SLC25A26: variants seen among roughly 807,000 people sequenced by gnomAD.
SLC25A26 encodes the protein mitochondrial S-adenosylmethionine carrier protein.
A neutral mutation model predicts 37.8 loss-of-function variants in SLC25A26; 36 were observed. The observed-to-expected ratio is 0.95, with a 90% CI of 0.73 to 1.26. The LOEUF is 1.26. Ranked by LOEUF, SLC25A26 falls within the 50% of genes most tolerant of loss-of-function variation. SLC25A26 has a pLI of 0.00. For synonymous variants in SLC25A26, 129 were observed against 122.5 expected (o/e 1.05, Z -0.35); for missense variants, 390 against 331.1 (o/e 1.18, Z -1.38).
chr3:66,302,192 C>T (rs771133363), intron 5 of SLC25A26, among the ~76,000 whole-genome samples: 2 of 152,180 alleles, frequency 1.3e-5, no homozygotes, highest in Non-Finnish European at 2.9e-5. Context: ...AATTTGCCCA[C>T]TTGGCACCTC....
intron 5 of SLC25A26, among the ~76,000 whole-genome samples, chr3:66,305,266 A>G (rs998202529): frequency 1.3e-5 from 2 of 152,190 alleles, no homozygotes; most frequent in South Asian, 4.1e-4. Flanking sequence ...TAATTTAAAG[A>G]CAACAGGAGA....
chr3:66,204,875 T>G (rs2071157391), intron 1 of SLC25A26, among the ~76,000 whole-genome samples: 1 of 152,132 alleles, frequency 6.6e-6, no homozygotes, highest in African/African-American at 2.4e-5. Context: ...TAGCTATCAG[T>G]CAACATTTTA....
At chr3:66,280,311 T>C (rs573135754) in intron 5 of SLC25A26, among the ~76,000 whole-genome samples, 3 of 152,182 alleles carry the variant, frequency 2.0e-5, no homozygotes, top group Non-Finnish European at 4.4e-5. Context: ...TTTTCATATA[T>C]ATTTTTTTCA....
At chr3:66,257,763 C>T (rs1027807478) in intron 3 of SLC25A26, among the ~76,000 whole-genome samples, 1 of 152,174 alleles carries the variant, frequency 6.6e-6, no homozygotes, top group Non-Finnish European at 1.5e-5. Flanking sequence ...GAATCCATCT[C>T]CTAACACCTA....
At chr3:66,180,017 G>T (rs2070667997) in intron 1 of SLC25A26, among the ~76,000 whole-genome samples, 1 of 140,274 alleles carries the variant, frequency 7.1e-6, no homozygotes, top group African/African-American at 2.5e-5. Flanking sequence ...CAGGAATAGG[G>T]AGATGCATTG....
At chr3:66,162,434 G>A (rs565392659) in intron 1 of SLC25A26, among the ~76,000 whole-genome samples, 4 of 150,522 alleles carry the variant, frequency 2.7e-5, no homozygotes, top group African/African-American at 7.3e-5. Context: ...CTGGGGCATC[G>A]AAAAAAAGCA....
chr3:66,214,264 C>T (rs1271429901), intron 1 of SLC25A26, among the ~76,000 whole-genome samples: 2 of 152,120 alleles, frequency 1.3e-5, no homozygotes, highest in African/African-American at 2.4e-5. Context: ...CCTACCCCCA[C>T]CCCACCTTCT....
At chr3:66,302,391 G>A (rs1162608361) in intron 5 of SLC25A26, among the ~76,000 whole-genome samples, 1 of 152,202 alleles carries the variant, frequency 6.6e-6, no homozygotes, top group African/African-American at 2.4e-5. Context: ...CTGCATGGCA[G>A]TAATTGTCTA....
At chr3:66,310,517 T>C (rs928846647) in intron 5 of SLC25A26, among the ~76,000 whole-genome samples, 5 of 152,246 alleles carry the variant, frequency 3.3e-5, no homozygotes, top group African/African-American at 1.2e-4. Context: ...AATATTGTTA[T>C]GTGTGAATTC....
In SLC25A26 at chr3:66,237,327, A is replaced by T. The variant is rs1195754324; in HGVS notation, c.190+627A>T. Among the ~76,000 whole-genome samples, 3 of 152,260 alleles carry T rather than the reference A, an allele frequency of 2.0e-5. No homozygotes were observed. In the East Asian group the frequency reaches 5.8e-4, roughly 29 times the overall value. On this transcript the variant is annotated intron_variant, in intron 2 of 9. Transcript: ENST00000354883. ...TTCTCAACTTTGCCTGCACATTAGAATCTACTGGGAAGCCTTAAAAAATAC... is the reference window on the plus strand; with the variant it reads ...TTCTCAACTTTGCCTGCACATTAGATTCTACTGGGAAGCCTTAAAAAATAC...
At chr3:66,295,520 G>C (rs1442279809) in intron 5 of SLC25A26, among the ~76,000 whole-genome samples, 1 of 151,294 alleles carries the variant, frequency 6.6e-6, no homozygotes. Context: ...TTCTGCCTCA[G>C]CCTCCTGAGT....
intron 1 of SLC25A26, among the ~76,000 whole-genome samples, chr3:66,168,059 A>G (rs924635935): frequency 1.3e-5 from 2 of 151,222 alleles, no homozygotes; most frequent in Non-Finnish European, 2.9e-5. Flanking sequence ...AGGCCGAGGC[A>G]GGAAAATAGC....
intron 3 of SLC25A26, among the ~76,000 whole-genome samples, chr3:66,253,252 CAAAA>C (rs558009761): frequency 2.2e-3 from 334 of 150,346 alleles, no homozygotes; most frequent in African/African-American, 7.7e-3. Flanking sequence ...AAAAAAAAAG[CAAAA>C]AAAAGTTAGT....
intron 5 of SLC25A26, among the ~76,000 whole-genome samples, chr3:66,333,303 C>T (rs2076020351): frequency 6.6e-6 from 1 of 152,132 alleles, no homozygotes; most frequent in Non-Finnish European, 1.5e-5. Context: ...TTAGATCTGT[C>T]CTCCAAGTCT....
At chr3:66,201,601 C>T (rs2071111140) in intron 1 of SLC25A26, among the ~76,000 whole-genome samples, 1 of 152,110 alleles carries the variant, frequency 6.6e-6, no homozygotes, top group Non-Finnish European at 1.5e-5. Context: ...CTCCCAAAAT[C>T]CTAAGGTTAT....
chr3:66,344,226 G>T (rs1362419438), intron 5 of SLC25A26, among the ~76,000 whole-genome samples: 2 of 152,166 alleles, frequency 1.3e-5, no homozygotes, highest in African/African-American at 4.8e-5. Flanking sequence ...ACAATACCAG[G>T]CCAAGGTGGG....
chr3:66,171,423 A>G (rs774248044), intron 1 of SLC25A26, among the ~76,000 whole-genome samples: 3 of 152,222 alleles, frequency 2.0e-5, no homozygotes, highest in Middle Eastern at 3.4e-3. Context: ...ACCTTTTAAT[A>G]AACCTTCCCC....
intron 5 of SLC25A26, among the ~76,000 whole-genome samples, chr3:66,330,348 G>A (rs1349575995): frequency 4.6e-5 from 7 of 152,108 alleles, no homozygotes; most frequent in Non-Finnish European, 8.8e-5. Flanking sequence ...AAACACTGAT[G>A]TTCCAATCAG....
At chr3:66,299,941 GTATTTAA>G (rs2075023617) in intron 5 of SLC25A26, among the ~76,000 whole-genome samples, 1 of 152,156 alleles carries the variant, frequency 6.6e-6, no homozygotes, top group Non-Finnish European at 1.5e-5. Flanking sequence ...AAAAATAATA[GTATTTAA>G]TATTTAATAA....
Sources: gnomAD v4.1 joint callset for allele counts (sites outside exome capture counted in the v4.1 genomes callset) on GRCh38, gnomAD v4.1.1 for gene constraint, MANE v1.5 for transcripts, NCBI Gene and HGNC (gene_info 2026-07-23, HGNC 2026-07-21) for gene names.